Variants in UPRT observed in about 807,000 individuals in gnomAD.
UPRT encodes RP11-311P8.3.
In UPRT, 5 loss-of-function variants were observed where a neutral mutation model predicts 22.6. The ratio of observed to expected loss-of-function variants is 0.22; its 90% CI spans 0.12 to 0.47. The LOEUF is 0.47. UPRT is among the 20% of genes least tolerant of loss of function. The pLI is 0.99. For missense variants in UPRT, 181 were observed against 239.9 expected, an observed-to-expected ratio of 0.75 and a Z score of 1.62; for synonymous variants, 77 against 87.7, an observed-to-expected ratio of 0.88 and a Z score of 0.68.
upstream of UPRT, among the ~76,000 whole-genome samples, chrX:75,273,197 G>A (rs1040808859): frequency 9.0e-6 from 1 of 111,152 alleles, no homozygotes; most frequent in Non-Finnish European, 1.9e-5. Flanking sequence ...TGTGAGAAGG[G>A]AGAGGATCAG....
intron 4 of UPRT, chrX:75,201,823 A>G (rs2147623433): frequency 8.8e-6 from 1 of 113,580 alleles, no homozygotes; most frequent in East Asian, 2.8e-4. Flanking sequence ...TCCACCCTGG[A>G]CTCTGGACTT....
At chrX:75,243,215 C>T (rs1197382253) in intron 4 of UPRT, among the ~76,000 whole-genome samples, 1 of 111,277 alleles carries the variant, frequency 9.0e-6, no homozygotes, top group Non-Finnish European at 1.9e-5. Context: ...CCTCTGTAAC[C>T]ATGGAGAAGT....
intron 1 of UPRT, among the ~76,000 whole-genome samples, chrX:75,282,578 A>AT (rs1250073781): frequency 5.4e-5 from 6 of 111,690 alleles, no homozygotes; most frequent in Non-Finnish European, 1.1e-4. Context: ...TATTTGCATG[A>AT]TTTTGAAGGT....
intron 2 of UPRT, chrX:75,294,453 A>C: frequency 1.9e-6 from 1 of 515,380 alleles, no homozygotes; most frequent in Non-Finnish European, 2.6e-6. Context: ...GTGCAAATTT[A>C]GTTTGGGAAA....
At chrX:75,239,971 A>G (rs1456209344) in intron 4 of UPRT, among the ~76,000 whole-genome samples, 1 of 111,543 alleles carries the variant, frequency 9.0e-6, no homozygotes, top group African/African-American at 3.3e-5. Flanking sequence ...TATCTATGAT[A>G]AATCCACAGA....
chrX:75,266,301 C>G (rs940102940), intron 4 of UPRT, among the ~76,000 whole-genome samples: 1 of 111,422 alleles, frequency 9.0e-6, no homozygotes, highest in Non-Finnish European at 1.9e-5. Context: ...CTACAACCAT[C>G]TGATCTTTGA....
intron 4 of UPRT, among the ~76,000 whole-genome samples, chrX:75,248,999 A>G (rs1311825782): frequency 9.0e-6 from 1 of 111,418 alleles, no homozygotes; most frequent in African/African-American, 3.3e-5. Context: ...CTTTACAGAC[A>G]AGCAAATGCC....
In UPRT at chrX:75,303,703, G is replaced by A. The variant is rs1354941562; in HGVS notation, c.*192G>A. The A allele has an allele frequency of 6.1e-6, 2 of 325,728 alleles. No homozygotes were observed. The highest frequency in any genetic ancestry group is 1.1e-5 in the Non-Finnish European group (2 of 189,491). The allele number at this position is 325,728 out of a possible 1,213,427, so 26.8% of individuals were successfully genotyped here. On this transcript the variant is annotated 3_prime_UTR_variant, in exon 7 of 7. Coordinates refer to ENST00000373383, the MANE Select transcript of UPRT (RefSeq NM_145052.4). Reference sequence around the variant, plus strand: ...TGTTGGCACCGAATTCAACAATGAAGTATATGCAACTCTTACAAAACATAA... The same window carrying A: ...TGTTGGCACCGAATTCAACAATGAAATATATGCAACTCTTACAAAACATAA...
At chrX:75,235,130 G>A (rs1170752469) in intron 4 of UPRT, among the ~76,000 whole-genome samples, 3 of 111,304 alleles carry the variant, frequency 2.7e-5, no homozygotes, top group African/African-American at 9.8e-5. Context: ...CAGAAATACA[G>A]ACTACCATCA....
At chrX:75,244,454 C>T (rs2082497679) in intron 4 of UPRT, among the ~76,000 whole-genome samples, 1 of 111,489 alleles carries the variant, frequency 9.0e-6, no homozygotes, top group Admixed American at 9.6e-5. Context: ...AGCCAGAGTA[C>T]CCAAGGCAAT....
chrX:75,249,706 G>C (rs770503863), intron 4 of UPRT, among the ~76,000 whole-genome samples: 1 of 111,056 alleles, frequency 9.0e-6, no homozygotes, highest in Admixed American at 9.6e-5. Flanking sequence ...TGCACCAAGC[G>C]GACCTAATAG....
rs748070306 is a variant in UPRT at position 75,191,731 on chromosome X, C to T, written c.-447+23852C>T. ...CTCAGACTGCTGTGCTAGCAATGAG[C>T]GAGGCTCCATGGACGTGGGACCCTC... On this transcript the variant is annotated intron_variant, in intron 4 of 13. Coordinates refer to the UPRT transcript ENST00000652605. 2.2e-4 allele frequency among the ~76,000 whole-genome samples: 25 copies of T among 112,154 alleles called. No individual in the cohort carries two copies. The South Asian group carries it at 3.0e-3, about 13-fold the overall frequency.
At chrX:75,252,984 T>G (rs2082536751) in intron 4 of UPRT, among the ~76,000 whole-genome samples, 1 of 110,749 alleles carries the variant, frequency 9.0e-6, no homozygotes, top group African/African-American at 3.3e-5. Context: ...TAGGTGAGAA[T>G]TGAACAATGA....
At chrX:75,165,317 C>A (rs2147601018) in intron 3 of UPRT, among the ~76,000 whole-genome samples, 1 of 111,775 alleles carries the variant, frequency 8.9e-6, no homozygotes, top group African/African-American at 3.2e-5. Flanking sequence ...TACTTATAAA[C>A]CCTTATAAAT....
intron 1 of UPRT, 110 bp downstream of exon 1, chrX:75,274,750 G>C: frequency 1.1e-6 from 1 of 889,598 alleles, no homozygotes; most frequent in Non-Finnish European, 1.5e-6. Context: ...GCAAACTTTG[G>C]AGATTGGGGT....
At chrX:75,287,094 TAG>T (rs1435203005) in intron 1 of UPRT, among the ~76,000 whole-genome samples, 8 of 111,151 alleles carry the variant, frequency 7.2e-5, no homozygotes. Flanking sequence ...CTTTGTAATT[TAG>T]GATATATATA....
chrX:75,268,019 A>C (rs1339059833), intron 4 of UPRT, among the ~76,000 whole-genome samples: 7 of 111,746 alleles, frequency 6.3e-5, no homozygotes, highest in African/African-American at 9.7e-5. Flanking sequence ...AGCCAGACTA[A>C]TAAAGAAGAA....
At chrX:75,296,228 G>A in intron 2 of UPRT, 114 bp from the exon 3 acceptor site, 3 of 704,030 alleles carry the variant, frequency 4.3e-6, no homozygotes, top group Middle Eastern at 3.3e-4. Context: ...GCCTCCACAA[G>A]TGAAACCTTT....
chrX:75,229,341 A>G (rs1001142293), intron 4 of UPRT, among the ~76,000 whole-genome samples: 7 of 112,236 alleles, frequency 6.2e-5, no homozygotes, highest in Non-Finnish European at 1.1e-4. Flanking sequence ...ACAAACAGTA[A>G]CAGGATCAGG....
Sources: gnomAD v4.1 joint callset for allele counts (sites outside exome capture counted in the v4.1 genomes callset) on GRCh38, gnomAD v4.1.1 for gene constraint, MANE v1.5 for transcripts, NCBI Gene and HGNC (gene_info 2026-07-23, HGNC 2026-07-21) for gene names.